Variants in DISP1 observed in about 807,000 individuals in gnomAD.
The protein encoded by DISP1 is protein dispatched homolog 1.
DISP1 carries 30 observed loss-of-function variants against 37.3 expected under a neutral mutation model. The observed-to-expected ratio is 0.80, with a 90% CI of 0.60 to 1.09. The LOEUF (loss-of-function observed/expected upper bound fraction) is 1.09, where lower values mean the gene tolerates loss of function less well. Ranked by LOEUF, DISP1 falls within the 50% of genes least tolerant of loss-of-function variation. DISP1 has a pLI of 0.00. For missense variants in DISP1, 1,598 were observed against 1,879.5 expected, an observed-to-expected ratio of 0.85 and a Z score of 2.77; for synonymous variants, 634 against 690.2, an observed-to-expected ratio of 0.92 and a Z score of 1.28.
chr1:222,826,209 T>A (rs1458468684), intron 1 of DISP1, among the ~76,000 whole-genome samples: 1 of 152,028 alleles, frequency 6.6e-6, no homozygotes, highest in Non-Finnish European at 1.5e-5. Context: ...CAGCCTGGGT[T>A]TTTCTTCTTA....
intron 1 of DISP1, among the ~76,000 whole-genome samples, chr1:222,872,858 G>T (rs190517452): frequency 1.7e-3 from 253 of 152,248 alleles, no homozygotes; most frequent in Non-Finnish European, 2.4e-3. Flanking sequence ...TCTTTTAATA[G>T]TGATGTTAGG....
intron 1 of DISP1, among the ~76,000 whole-genome samples, chr1:222,870,950 C>A (rs1402629099): frequency 2.0e-5 from 3 of 152,218 alleles, no homozygotes; most frequent in South Asian, 2.1e-4. Context: ...TTTAATGCAT[C>A]TTGAATTAAT....
chr1:222,847,734 C>T (rs992410071), intron 1 of DISP1, among the ~76,000 whole-genome samples: 1 of 152,040 alleles, frequency 6.6e-6, no homozygotes, highest in East Asian at 1.9e-4. Flanking sequence ...CATGTGCAAC[C>T]CAGGGGGAAG....
intron 3 of DISP1, among the ~76,000 whole-genome samples, chr1:222,949,032 TA>T (rs1215233852): frequency 4.6e-5 from 7 of 152,222 alleles, no homozygotes; most frequent in African/African-American, 1.4e-4. Context: ...TAAATCTTTC[TA>T]AAAGATTCAT....
At chr1:222,868,490 T>C (rs1669331705) in intron 1 of DISP1, among the ~76,000 whole-genome samples, 1 of 152,154 alleles carries the variant, frequency 6.6e-6, no homozygotes, top group Non-Finnish European at 1.5e-5. Context: ...ATTCATTATA[T>C]CATTGAAGAA....
At chr1:222,936,775 T>TATAA (rs1673810961) in intron 2 of DISP1, among the ~76,000 whole-genome samples, 1 of 83,282 alleles carries the variant, frequency 1.2e-5, no homozygotes, top group Non-Finnish European at 2.2e-5. Context: ...AAATTATATA[T>TATAA]ATCATATATA....
At chr1:222,984,773 A>G (rs1678150969) in intron 4 of DISP1, among the ~76,000 whole-genome samples, 3 of 152,068 alleles carry the variant, frequency 2.0e-5, no homozygotes, top group Admixed American at 6.6e-5. Context: ...TTCTGTACCC[A>G]TTATACATTA....
intron 2 of DISP1, among the ~76,000 whole-genome samples, chr1:222,938,760 AAAG>A (rs1674158881): frequency 4.8e-5 from 5 of 104,612 alleles, no homozygotes; most frequent in African/African-American, 1.8e-4. Context: ...AAAAAAAAAA[AAAG>A]GAAGGAAGGA....
intron 3 of DISP1, among the ~76,000 whole-genome samples, chr1:222,963,468 A>G (rs1021981655): frequency 8.5e-5 from 13 of 152,236 alleles, no homozygotes; most frequent in African/African-American, 2.7e-4. Flanking sequence ...ATGCTCAAGT[A>G]TGTTGATTGC....
At chr1:222,874,538 C>T (rs1417363828) in intron 1 of DISP1, among the ~76,000 whole-genome samples, 1 of 151,878 alleles carries the variant, frequency 6.6e-6, no homozygotes, top group East Asian at 1.9e-4. Flanking sequence ...CCCTTTTTTC[C>T]AGTTGATTGC....
At chr1:222,960,520 A>C (rs1367149889) in intron 3 of DISP1, among the ~76,000 whole-genome samples, 2 of 152,236 alleles carry the variant, frequency 1.3e-5, no homozygotes, top group Non-Finnish European at 2.9e-5. Context: ...AGAAAGCTAG[A>C]AAGATGTCAC....
At chr1:222,984,435 T>TATATATATATATATAGAGAG (rs67660273) in intron 4 of DISP1, among the ~76,000 whole-genome samples, 104 of 108,360 alleles carry the variant, frequency 9.6e-4, no homozygotes, top group South Asian at 7.5e-3. Context: ...TATATATATA[T>TATATATATATATATAGAGAG]AGAGAGAGAG....
intron 1 of DISP1, among the ~76,000 whole-genome samples, chr1:222,849,244 G>C (rs1469270712): frequency 6.6e-6 from 1 of 152,116 alleles, no homozygotes; most frequent in African/African-American, 2.4e-5. Flanking sequence ...CCACACCTGT[G>C]ACAAGATTAT....
intron 1 of DISP1, among the ~76,000 whole-genome samples, chr1:222,890,595 G>C (rs1476100404): frequency 6.6e-6 from 1 of 152,154 alleles, no homozygotes; most frequent in Non-Finnish European, 1.5e-5. Flanking sequence ...AGTAACATTT[G>C]AGCTTAAATC....
chr1:222,911,187 C>T (rs1672188344), intron 1 of DISP1, among the ~76,000 whole-genome samples: 1 of 152,114 alleles, frequency 6.6e-6, no homozygotes, highest in South Asian at 2.1e-4. Context: ...TGTATTATAT[C>T]AGCTTTGGTT....
intron 3 of DISP1, among the ~76,000 whole-genome samples, chr1:222,944,947 G>A (rs1674661151): frequency 6.6e-6 from 1 of 152,132 alleles, no homozygotes; most frequent in African/African-American, 2.4e-5. Context: ...GGAGGTTGAG[G>A]TGGAAGGATT....
chr1:222,848,453 A>T (rs1255742496), intron 1 of DISP1, among the ~76,000 whole-genome samples: 1 of 152,224 alleles, frequency 6.6e-6, no homozygotes, highest in African/African-American at 2.4e-5. Context: ...TTTTAAAAAA[A>T]ATAAAAACTT....
chr1:222,979,709 C>T (rs1300512587), intron 3 of DISP1: 2 of 469,542 alleles, frequency 4.3e-6, no homozygotes, highest in South Asian at 3.1e-5. Flanking sequence ...GCTGCTAAGC[C>T]CTCACCAGCT....
At chr1:222,920,096 C>A (rs928195135) in intron 1 of DISP1, among the ~76,000 whole-genome samples, 2 of 152,042 alleles carry the variant, frequency 1.3e-5, no homozygotes, top group African/African-American at 2.4e-5. Context: ...GTAAAGGTAA[C>A]CTTCTCTATA....
Sources: gnomAD v4.1 joint callset for allele counts (sites outside exome capture counted in the v4.1 genomes callset) on GRCh38, gnomAD v4.1.1 for gene constraint, MANE v1.5 for transcripts, NCBI Gene and HGNC (gene_info 2026-07-23, HGNC 2026-07-21) for gene names.